The following NAA60 variants were observed in gnomAD, a reference collection of about 807,000 sequenced individuals.
The protein encoded by NAA60 is N-alpha-acetyltransferase 60, NatF catalytic subunit.
NAA60 carries 8 observed loss-of-function variants against 26.1 expected under a neutral mutation model. The ratio of observed to expected loss-of-function variants is 0.31; its 90% CI spans 0.18 to 0.55. NAA60 has a LOEUF of 0.55. Ranked by LOEUF, NAA60 falls within the 20% of genes least tolerant of loss-of-function variation. The pLI, the probability that NAA60 is intolerant of heterozygous loss-of-function variation, is 0.93. For missense variants in NAA60, 290 were observed against 311.3 expected, an observed-to-expected ratio of 0.93 and a Z score of 0.51; for synonymous variants, 131 against 122.5, an observed-to-expected ratio of 1.07 and a Z score of -0.46.
chr16:3,443,961 G>A (rs1031471447), intron 1 of NAA60, 124 bp downstream of exon 1: 4 of 1,387,774 alleles, frequency 2.9e-6, no homozygotes, highest in East Asian at 2.7e-5. Context: ...TGAGCGGATG[G>A]TGGGGCCGTG....
At chr16:3,462,276 A>G (rs1267010376) in intron 2 of NAA60, among the ~76,000 whole-genome samples, 1 of 152,130 alleles carries the variant, frequency 6.6e-6, no homozygotes, top group Non-Finnish European at 1.5e-5. Context: ...TTCATTTTAT[A>G]AAATAGTAGT....
At chr16:3,464,306 C>T (rs1006208295) in intron 2 of NAA60, among the ~76,000 whole-genome samples, 2 of 152,172 alleles carry the variant, frequency 1.3e-5, no homozygotes, top group African/African-American at 4.8e-5. Flanking sequence ...AGCCACCACG[C>T]CCAGCTAGAT....
chr16:3,458,104 C>A, intron 2 of NAA60: 1 of 985,290 alleles, frequency 1.0e-6, no homozygotes, highest in Non-Finnish European at 1.2e-6. Flanking sequence ...TCCGCGCGGT[C>A]CCACTTCCCG....
chr16:3,480,237 G>A (rs2036740637), intron 4 of NAA60, among the ~76,000 whole-genome samples: 2 of 152,194 alleles, frequency 1.3e-5, no homozygotes, highest in African/African-American at 4.8e-5. Flanking sequence ...TTTAGCCAAG[G>A]AGGGAAAAAC....
intron 2 of NAA60, among the ~76,000 whole-genome samples, chr16:3,473,158 C>G (rs2036258780): frequency 1.3e-5 from 2 of 152,312 alleles, no homozygotes; most frequent in Middle Eastern, 6.8e-3. Flanking sequence ...ACCTCAGCCT[C>G]CTGAGTGGCT....
In NAA60 at chr16:3,443,837, T is replaced by TGTGG. The variant is rs1327361133; in HGVS notation, c.-77+3_-77+6dup. On this transcript the variant is annotated splice_region_variant and 5_prime_UTR_variant. In the 5' UTR this introduces an upstream ATG that the reference lacks. Coordinates refer to ENST00000407558, the MANE Select transcript of NAA60 (RefSeq NM_001083601.3). Reference sequence around the variant, plus strand: ...ACTCGAAAGAAAATCGGTAACAAAATGTGGGTTCGGCCAACAGTGCCCTGT... The same window carrying TGTGG: ...ACTCGAAAGAAAATCGGTAACAAAATGTGGGTGGGTTCGGCCAACAGTGCCCTGT... The TGTGG allele has an allele frequency of 1.3e-6, 2 of 1,533,254 alleles. No homozygotes were observed. The highest frequency in any genetic ancestry group is 1.7e-6 in the Non-Finnish European group (2 of 1,145,784). The allele number at this position is 1,533,254 out of a possible 1,614,324, so 95.0% of individuals were successfully genotyped here.
At chr16:3,450,936 T>C (rs890329243) in intron 2 of NAA60, among the ~76,000 whole-genome samples, 1 of 152,182 alleles carries the variant, frequency 6.6e-6, no homozygotes, top group African/African-American at 2.4e-5. Context: ...TAAATTAGAA[T>C]GTACAGTACA....
intron 4 of NAA60, among the ~76,000 whole-genome samples, chr16:3,481,637 C>T (rs999538852): frequency 2.0e-5 from 3 of 152,208 alleles, no homozygotes; most frequent in Non-Finnish European, 4.4e-5. Flanking sequence ...ACTCATTCAT[C>T]TGGCCCCTTC....
chr16:3,481,355 G>T (rs1235470425), intron 4 of NAA60, among the ~76,000 whole-genome samples: 1 of 152,168 alleles, frequency 6.6e-6, no homozygotes, highest in East Asian at 1.9e-4. Flanking sequence ...GGAGTGCTAG[G>T]ATTACAGGTG....
intron 6 of NAA60, chr16:3,484,497 C>G: frequency 1.5e-6 from 1 of 652,596 alleles, no homozygotes; most frequent in South Asian, 2.0e-5. Context: ...TCCCCAGACC[C>G]CACCCTCTGT....
intron 2 of NAA60, among the ~76,000 whole-genome samples, chr16:3,452,512 C>T (rs982405009): frequency 2.6e-5 from 4 of 151,144 alleles, no homozygotes; most frequent in Admixed American, 1.3e-4. Flanking sequence ...AAAAATTAAC[C>T]GGGCATGGTG....
At chr16:3,458,444 C>T (rs1397456123) in intron 2 of NAA60, among the ~76,000 whole-genome samples, 3 of 152,090 alleles carry the variant, frequency 2.0e-5, no homozygotes, top group Admixed American at 6.5e-5. Context: ...GGGAGTCGGG[C>T]CTTCTGCCTG....
At chr16:3,452,644 A>G (rs527790585) in intron 2 of NAA60, among the ~76,000 whole-genome samples, 3 of 147,374 alleles carry the variant, frequency 2.0e-5, no homozygotes, top group South Asian at 4.3e-4. Context: ...GCAGAGCAAG[A>G]CCCCGTCTCA....
intron 2 of NAA60, among the ~76,000 whole-genome samples, chr16:3,449,244 C>T (rs760920776): frequency 7.9e-5 from 12 of 152,058 alleles, no homozygotes; most frequent in East Asian, 3.9e-4. Context: ...GTGTGCTGGG[C>T]GTGGTGGCTC....
chr16:3,447,721 C>G (rs1228436818), intron 1 of NAA60: 1 of 770,660 alleles, frequency 1.3e-6, no homozygotes, highest in Non-Finnish European at 1.6e-6. Context: ...ACCTAGTCTC[C>G]AGTCTTATAA....
At chr16:3,461,454 A>G (rs1165003299) in intron 2 of NAA60, among the ~76,000 whole-genome samples, 17 of 152,278 alleles carry the variant, frequency 1.1e-4, no homozygotes, top group Non-Finnish European at 8.8e-5. Context: ...CCCTAGTCCC[A>G]CCTTGTCAGC....
chr16:3,446,427 AG>A (rs2034556464), intron 1 of NAA60, among the ~76,000 whole-genome samples: 1 of 149,784 alleles, frequency 6.7e-6, no homozygotes, highest in Non-Finnish European at 1.5e-5. Flanking sequence ...GCTACTCGGG[AG>A]GCTGAGGCAG....
chr16:3,472,797 C>T (rs912382063), intron 2 of NAA60, among the ~76,000 whole-genome samples: 4 of 152,174 alleles, frequency 2.6e-5, no homozygotes, highest in Non-Finnish European at 4.4e-5. Context: ...CCAGATCTAA[C>T]GCCCATTAAT....
chr16:3,443,877 G>T, intron 1 of NAA60, 40 bp downstream of exon 1: 1 of 1,521,298 alleles, frequency 6.6e-7, no homozygotes, highest in Non-Finnish European at 8.8e-7. Context: ...CTGAAATTTC[G>T]GTCTGGCCAG....
Sources: allele counts gnomAD v4.1 joint callset (sites outside exome capture counted in the v4.1 genomes callset), GRCh38; gene constraint gnomAD v4.1.1; transcripts MANE v1.5; gene names NCBI Gene and HGNC (gene_info 2026-07-23, HGNC 2026-07-21).